ABL1: variants seen among roughly 807,000 people sequenced by gnomAD.
ABL1 encodes ABL proto-oncogene 1, non-receptor tyrosine kinase, also known as tyrosine-protein kinase ABL1.
Under a neutral mutation model 94.7 loss-of-function variants are expected in ABL1, and 11 were observed. The ratio of observed to expected loss-of-function variants is 0.12; its 90% CI spans 0.07 to 0.19. The LOEUF is 0.19. ABL1 is among the 10% of genes least tolerant of loss of function. ABL1 has a pLI of 1.00. For synonymous variants in ABL1, 656 were observed against 622.4 expected (o/e 1.05, Z -0.80); for missense variants, 1,082 against 1,489.4 (o/e 0.73, Z 4.50).
At position 130,820,003 on chromosome 9, in the gene ABL1, C is replaced by T. The variant is rs1830339032; in HGVS notation, c.137-34061C>T. ...CAGAGGACACTTGGCTTCTCTATAC[C>T]CTATCTTTGGTGACTTCTGCTTGTT... On this transcript the variant is annotated intron_variant, in intron 1 of 10. Transcript: ENST00000372348. Among the ~76,000 whole-genome samples, 7 of 151,722 alleles carry T rather than the reference C, an allele frequency of 4.6e-5. No individual in the cohort carries two copies. In the South Asian group the frequency reaches 1.5e-3, roughly 32 times the overall value.
At chr9:130,733,503 G>A (rs1170579506) in intron 1 of ABL1, among the ~76,000 whole-genome samples, 2 of 151,658 alleles carry the variant, frequency 1.3e-5, no homozygotes, top group Non-Finnish European at 2.9e-5. Context: ...CTGGGCTCAG[G>A]TGATTCTCCT....
rs56049716 is a variant in ABL1, at chr9:130,885,071, C to A, written c.2781C>A (p.Val927=). ...SPSQEAAGEA[V]LGAKTKATSL... ...GCCAGGAGGCGGCCGGGGAGGCAGTCCTGGGCGCAAAGACAAAAGCCACGA... is the reference window on the plus strand; with the variant it reads ...GCCAGGAGGCGGCCGGGGAGGCAGTACTGGGCGCAAAGACAAAAGCCACGA... The change falls in exon 11 of 11, where the codon GTC becomes GTA. Residue 927 remains valine, a synonymous_variant. Coordinates refer to ENST00000318560, the MANE Select transcript of ABL1 (RefSeq NM_005157.6). 13 of 1,609,848 alleles carry A rather than the reference C, an allele frequency of 8.1e-6. No homozygotes were observed. Among genetic ancestry groups the A allele is most frequent in the Admixed American group, 1.7e-5 (1 of 59,762 alleles).
intron 1 of ABL1, among the ~76,000 whole-genome samples, chr9:130,829,388 C>T (rs1160496645): frequency 2.0e-5 from 3 of 151,864 alleles, no homozygotes; most frequent in African/African-American, 7.3e-5. Flanking sequence ...AGTGAAACCC[C>T]GTCTCTACTA....
chr9:130,759,143 A>G (rs1420771330), intron 1 of ABL1, among the ~76,000 whole-genome samples: 1 of 100,310 alleles, frequency 1.0e-5, no homozygotes, highest in African/African-American at 6.4e-5. Context: ...TTTTTTAAAA[A>G]TTTTTGCTGA....
At chr9:130,858,425 T>C (rs568166264) in intron 3 of ABL1, among the ~76,000 whole-genome samples, 2 of 152,206 alleles carry the variant, frequency 1.3e-5, no homozygotes, top group African/African-American at 4.8e-5. Context: ...CACATCACAC[T>C]TCCCTTGGCG....
intron 1 of ABL1, among the ~76,000 whole-genome samples, chr9:130,827,034 C>T (rs569198584): frequency 5.1e-4 from 77 of 152,072 alleles, no homozygotes; most frequent in Non-Finnish European, 9.0e-4. Flanking sequence ...GCCGAGATGG[C>T]GCCACTGCAC....
rs2583845 is a variant in ABL1 at position 130,738,178 on chromosome 9, C to G, written c.136+23723C>G. Among the ~76,000 whole-genome samples, 6 of 151,990 alleles carry G rather than the reference C, an allele frequency of 3.9e-5. No individual in the cohort carries two copies. In the East Asian group the frequency reaches 1.2e-3, roughly 29 times the overall value. On this transcript the variant is annotated intron_variant, in intron 1 of 10. Coordinates refer to the ABL1 transcript ENST00000372348. Reference sequence around the variant, plus strand: ...AGGAGAAAAACCAAAAGATAAGACCCGAGACCAAGGAAATTGTAGTCTCAA... The same window carrying G: ...AGGAGAAAAACCAAAAGATAAGACCGGAGACCAAGGAAATTGTAGTCTCAA...
Position 130,854,075 on chromosome 9 carries a change from C to A in ABL1, c.91C>A (p.Arg31=), listed in dbSNP as rs202235231. Residue 31 remains arginine (R), a synonymous_variant, in exon 2 of 11, where the codon CGG becomes AGG. Transcript: ENST00000318560. The part of the protein sequence containing the change: ...SSCYLEEALQ[R]PVASDFEPQG... ...CCTTTCTCTTCCAGAAGCCCTTCAG[C>A]GGCCAGTAGCATCTGACTTTGAGCC... 6.2e-7 allele frequency: 1 copy of A among 1,609,412 alleles called. No homozygotes were observed. Among genetic ancestry groups the A allele is most frequent in the Non-Finnish European group, 8.5e-7 (1 of 1,178,062 alleles).
intron 1 of ABL1, among the ~76,000 whole-genome samples, chr9:130,825,801 T>C (rs1830417829): frequency 6.6e-6 from 1 of 152,264 alleles, no homozygotes. Flanking sequence ...CCATTTTTGC[T>C]TAATAATATT....
chr9:130,734,994 C>T (rs1365088687), intron 1 of ABL1, among the ~76,000 whole-genome samples: 1 of 151,994 alleles, frequency 6.6e-6, no homozygotes, highest in Non-Finnish European at 1.5e-5. Flanking sequence ...AGCTTTGTGG[C>T]AGTTTTACGA....
At chr9:130,746,386 C>T (rs2253084) in intron 1 of ABL1, among the ~76,000 whole-genome samples, 33,418 of 151,658 alleles carry the variant, frequency 0.22, 3,965 homozygotes, top group Middle Eastern at 0.4. Flanking sequence ...TAACTACCAT[C>T]GCCACCACAG....
chr9:130,807,577 G>A (rs556353534), intron 1 of ABL1, among the ~76,000 whole-genome samples: 19 of 149,476 alleles, frequency 1.3e-4, no homozygotes, highest in African/African-American at 4.4e-4. Context: ...TTACCCCCTT[G>A]CACATTTAAA....
chr9:130,827,487 G>A (rs1017139975), intron 1 of ABL1, among the ~76,000 whole-genome samples: 2 of 152,114 alleles, frequency 1.3e-5, no homozygotes, highest in Non-Finnish European at 2.9e-5. Flanking sequence ...AATCTCTCTA[G>A]GCATTAGAGG....
At chr9:130,860,805 C>T (rs374202428) in intron 3 of ABL1, among the ~76,000 whole-genome samples, 113 of 152,300 alleles carry the variant, frequency 7.4e-4, no homozygotes, top group Non-Finnish European at 1.5e-3. Context: ...CACTTGCCAC[C>T]GGCAGTGAAG....
intron 1 of ABL1, among the ~76,000 whole-genome samples, chr9:130,764,947 C>CT (rs1329278903): frequency 1.4e-5 from 2 of 146,022 alleles, no homozygotes; most frequent in East Asian, 3.9e-4. Flanking sequence ...CAGAGCAAGA[C>CT]TGTCTCAAAA....
rs1029355180 is a variant in ABL1, at chr9:130,870,098, C to A, written c.823-2031C>A. 7.0e-4 allele frequency among the ~76,000 whole-genome samples: 107 copies of A among 152,370 alleles called. 1 individual carries two copies. Among genetic ancestry groups the A allele is most frequent in the African/African-American group, 2.5e-3 (103 of 41,588 alleles). ...AAAGTGTTGGGATTACAGGCATGAG[C>A]CACCACACTCGGCCAGCTGTTGTTA... On this transcript the variant is annotated intron_variant, in intron 4 of 10. Coordinates refer to ENST00000318560, the MANE Select transcript of ABL1 (RefSeq NM_005157.6).
In ABL1 at chr9:130,863,062, A is replaced by G; in HGVS notation, c.822+27A>G. ...TAGGCTGGGACTGCCGGGGGTGCCCAGGGTACGTGGGGCAAGGCGTCTGCT... is the reference window on the plus strand; with the variant it reads ...TAGGCTGGGACTGCCGGGGGTGCCCGGGGTACGTGGGGCAAGGCGTCTGCT... On this transcript the variant is annotated intron_variant, in intron 4 of 10. Coordinates refer to ENST00000318560, the MANE Select transcript of ABL1 (RefSeq NM_005157.6). This position sits in a 1 kb window ranked among gnomAD's most constrained non-coding sequence, Gnocchi z 4.3. 1 of 1,567,064 alleles carries G rather than the reference A, an allele frequency of 6.4e-7. No individual in the cohort carries two copies. Among genetic ancestry groups the G allele is most frequent in the African/African-American group, 1.3e-5 (1 of 74,408 alleles).
intron 1 of ABL1, among the ~76,000 whole-genome samples, chr9:130,792,935 T>C (rs560257027): frequency 6.6e-6 from 1 of 152,332 alleles, no homozygotes; most frequent in South Asian, 2.1e-4. Context: ...GTAATACTTT[T>C]TATTTTTGAG....
intron 4 of ABL1, among the ~76,000 whole-genome samples, chr9:130,868,694 C>T (rs541378188): frequency 7.3e-5 from 11 of 151,372 alleles, no homozygotes; most frequent in African/African-American, 2.4e-4. Context: ...CTAATTTTTG[C>T]ATTTTTAGTA....
Sources: allele counts gnomAD v4.1 joint callset (sites outside exome capture counted in the v4.1 genomes callset), GRCh38; gene constraint gnomAD v4.1.1; non-coding constraint Gnocchi (gnomAD v3.1); transcripts MANE v1.5; gene names NCBI Gene and HGNC (gene_info 2026-07-23, HGNC 2026-07-21).